Variants in ARMC10 observed in about 807,000 individuals in gnomAD.
The protein encoded by ARMC10 is armadillo repeat containing 10, also known as armadillo repeat-containing protein 10.
Under a neutral mutation model 30.2 loss-of-function variants are expected in ARMC10, and 23 were observed. The ratio of observed to expected loss-of-function variants is 0.76; its 90% CI spans 0.55 to 1.08. The LOEUF is 1.08. Among genes scored for constraint, ARMC10 ranks in the 50% least tolerant of loss-of-function variants. ARMC10 has a pLI of 0.00. For missense variants in ARMC10, 303 were observed against 413.7 expected, an observed-to-expected ratio of 0.73 and a Z score of 2.32; for synonymous variants, 111 against 164.4, an observed-to-expected ratio of 0.68 and a Z score of 2.48.
At chr7:103,093,547 A>G (rs572736559) in intron 5 of ARMC10, among the ~76,000 whole-genome samples, 2 of 152,370 alleles carry the variant, frequency 1.3e-5, no homozygotes, top group African/African-American at 4.8e-5. Context: ...AAAGGTATTG[A>G]AAATTAAATG....
In ARMC10 at chr7:103,080,164, G is replaced by A. The variant is rs542665765; in HGVS notation, c.245-3518G>A. ...ATAGCAGTCCAAAAACTCACCAGTG[G>A]AAGAGCTGAGTATTTGATGATCGCC... On this transcript the variant is annotated intron_variant, in intron 2 of 6. Transcript: ENST00000323716. Among the ~76,000 whole-genome samples, 83 of 152,326 alleles carry A rather than the reference G, an allele frequency of 5.4e-4. 1 individual carries two copies. The South Asian group carries it at 0.016, about 29-fold the overall frequency.
chr7:103,085,352 A>T (rs1275038339), intron 3 of ARMC10, among the ~76,000 whole-genome samples: 1 of 151,866 alleles, frequency 6.6e-6, no homozygotes, highest in Non-Finnish European at 1.5e-5. Context: ...TAATGCTAAG[A>T]TCACCCTTAA....
At position 103,075,346 on chromosome 7, in the gene ARMC10, A is replaced by C; in HGVS notation, c.74A>C (p.Tyr25Ser). The C allele has an allele frequency of 1.6e-6, 2 of 1,265,058 alleles. No homozygotes were observed. The highest frequency in any genetic ancestry group is 1.0e-6 in the Non-Finnish European group (1 of 1,004,506). The allele number at this position is 1,265,058 out of a possible 1,614,324, so 78.4% of individuals were successfully genotyped here. Residue 25 changes from tyrosine to serine, a missense_variant, in exon 1 of 7, where the codon TAC becomes TCC. Transcript: ENST00000323716. ...LLGAGACYCI[Y>S]RLTRGRRRGD... is the part of the protein sequence containing the mutation. ...GGCGCGGGCGCCTGCTACTGCATTTACAGGCTGACCCGGGGTCGGCGGCGG... is the reference window on the plus strand; with the variant it reads ...GGCGCGGGCGCCTGCTACTGCATTTCCAGGCTGACCCGGGGTCGGCGGCGG...
chr7:103,087,023 T>C, intron 4 of ARMC10: 1 of 974,004 alleles, frequency 1.0e-6, no homozygotes, highest in South Asian at 1.6e-5. Context: ...CTGGTGACAG[T>C]AATAGCCTTA....
chr7:103,081,217 C>T (rs977946491), intron 2 of ARMC10, among the ~76,000 whole-genome samples: 3 of 152,114 alleles, frequency 2.0e-5, no homozygotes, highest in African/African-American at 7.2e-5. Flanking sequence ...GACCCCATAG[C>T]CTTGGCTTAG....
intron 2 of ARMC10, among the ~76,000 whole-genome samples, chr7:103,076,350 A>G (rs918378637): frequency 6.6e-6 from 1 of 152,206 alleles, no homozygotes; most frequent in African/African-American, 2.4e-5. Context: ...CTTTATCCAG[A>G]GGAAAAATAA....
chr7:103,092,246 T>C (rs560628402), intron 4 of ARMC10, among the ~76,000 whole-genome samples: 1 of 27,472 alleles, frequency 3.6e-5, no homozygotes, highest in East Asian at 7.2e-3. Context: ...GGCAGGAGAA[T>C]GGCGTGAACC....
chr7:103,075,473 G>A, intron 1 of ARMC10, 62 bp downstream of exon 1: 1 of 1,264,064 alleles, frequency 7.9e-7, no homozygotes. Context: ...CCCAGGCCGG[G>A]GTGGTGGCTT....
chr7:103,085,219 C>A (rs1358513176), intron 3 of ARMC10, among the ~76,000 whole-genome samples: 1 of 151,618 alleles, frequency 6.6e-6, no homozygotes, highest in Non-Finnish European at 1.5e-5. Flanking sequence ...TCAGTGCCCT[C>A]ACCATCAATT....
At position 103,088,195 on chromosome 7, in the gene ARMC10, G is replaced by A. The variant is rs967846509; in HGVS notation, c.528+1431G>A. ...ATGTGTTCTTGCCCTTCCACAAGAC[G>A]TATAGATCCAGATGAGATTAGTTTG... is the stretch of plus-strand genomic sequence containing the variant. On this transcript the variant is annotated intron_variant, in intron 4 of 6. Coordinates refer to ENST00000323716, the MANE Select transcript of ARMC10 (RefSeq NM_031905.5). Among the ~76,000 whole-genome samples the A allele has an allele frequency of 5.3e-5, 8 of 152,172 alleles. No homozygotes were observed. In the East Asian group the frequency reaches 9.6e-4, roughly 18 times the overall value.
At chr7:103,094,161 C>T (rs996156413) in intron 5 of ARMC10, among the ~76,000 whole-genome samples, 1 of 152,112 alleles carries the variant, frequency 6.6e-6, no homozygotes, top group Non-Finnish European at 1.5e-5. Context: ...TCGTATTTTG[C>T]TTAAGTCAGG....
At chr7:103,083,893 C>T (rs954576712) in intron 3 of ARMC10, 63 bp downstream of exon 3, 5 of 1,569,344 alleles carry the variant, frequency 3.2e-6, no homozygotes, top group Non-Finnish European at 4.3e-6. Context: ...TAATTGTGAC[C>T]CTGAATAAAT....
Position 103,080,997 on chromosome 7 carries a change from T to G in ARMC10, c.245-2685T>G, listed in dbSNP as rs191610980. ...AGAGTAATGTAGGAGTAAAAAGATC[T>G]GGATTCTAAAGCCACTTTTGCTATT... On this transcript the variant is annotated intron_variant, in intron 2 of 6. Transcript: ENST00000323716. Among the ~76,000 whole-genome samples the G allele has an allele frequency of 8.8e-3, 1,347 of 152,346 alleles. 10 individuals carry two copies. The highest frequency in any genetic ancestry group is 0.027 in the Middle Eastern group (8 of 294).
intron 2 of ARMC10, among the ~76,000 whole-genome samples, chr7:103,076,389 C>T (rs934404256): frequency 3.9e-5 from 6 of 152,172 alleles, no homozygotes; most frequent in African/African-American, 1.4e-4. Context: ...GAACCAGGTG[C>T]CCAGGCTAAA....
chr7:103,098,406 C>T lies in ARMC10; in HGVS notation c.885C>T (p.Gly295=), dbSNP rs1258428619. The part of the protein sequence containing the change: ...QNIKNCLKIE[G]HLAVQPTFTE... ...TAAAGAACTGCCTCAAAATAGAAGG[C>T]CATTTAGCTGTGCAGCCTACTTTCA... The change falls in exon 7 of 7, where the codon GGC becomes GGT. Residue 295 remains glycine (G), a synonymous_variant. Transcript: ENST00000323716. The T allele has an allele frequency of 6.2e-7, 1 of 1,613,932 alleles. No homozygotes were observed. Among genetic ancestry groups the T allele is most frequent in the South Asian group, 1.1e-5 (1 of 91,032 alleles).
chr7:103,080,957 A>G (rs1800327737), intron 2 of ARMC10, among the ~76,000 whole-genome samples: 1 of 152,204 alleles, frequency 6.6e-6, no homozygotes, highest in Non-Finnish European at 1.5e-5. Flanking sequence ...TAGGAGGAAT[A>G]ATGGTTGAGA....
intron 6 of ARMC10, 35 bp from the exon 7 acceptor site, chr7:103,098,264 T>C: frequency 2.3e-6 from 3 of 1,290,220 alleles, no homozygotes; most frequent in Non-Finnish European, 3.0e-6. Context: ...CATATATTAT[T>C]AATATAAAAT....
intron 6 of ARMC10, 89 bp from the exon 7 acceptor site, chr7:103,098,210 T>C: frequency 3.4e-6 from 4 of 1,163,674 alleles, no homozygotes; most frequent in Non-Finnish European, 4.4e-6. Flanking sequence ...ATGTGAGTTA[T>C]TCAATGTAGT....
chr7:103,089,875 G>A (rs1194649766), intron 4 of ARMC10, among the ~76,000 whole-genome samples: 1 of 152,172 alleles, frequency 6.6e-6, no homozygotes, highest in Non-Finnish European at 1.5e-5. Flanking sequence ...ATACAAATGA[G>A]CATGATGCAA....
Sources: allele counts gnomAD v4.1 joint callset (sites outside exome capture counted in the v4.1 genomes callset), GRCh38; gene constraint gnomAD v4.1.1; transcripts MANE v1.5; gene names NCBI Gene and HGNC (gene_info 2026-07-23, HGNC 2026-07-21).